PTPRE: variants seen among roughly 807,000 people sequenced by gnomAD.
PTPRE encodes protein tyrosine phosphatase receptor type E.
A neutral mutation model predicts 102.0 loss-of-function variants in PTPRE; 51 were observed. The observed-to-expected ratio is 0.50, with a 90% CI of 0.40 to 0.63. The LOEUF (loss-of-function observed/expected upper bound fraction) is 0.63, where lower values mean the gene tolerates loss of function less well. PTPRE is among the 30% of genes least tolerant of loss of function. PTPRE has a pLI of 0.00. For missense variants in PTPRE, 752 were observed against 915.1 expected (o/e 0.82, Z 2.30); for synonymous variants, 345 against 348.2 (o/e 0.99, Z 0.10).
chr10:128,050,290 T>A (rs1409011440), intron 6 of PTPRE, among the ~76,000 whole-genome samples: 1 of 147,890 alleles, frequency 6.8e-6, no homozygotes, highest in Non-Finnish European at 1.5e-5. Context: ...GGCAGATGGA[T>A]GGATGAATGA....
At chr10:128,062,116 C>T (rs1053920395) in intron 9 of PTPRE, among the ~76,000 whole-genome samples, 4 of 152,228 alleles carry the variant, frequency 2.6e-5, no homozygotes, top group African/African-American at 4.8e-5. Context: ...CTTCACCTTG[C>T]ACAGGGCTAC....
chr10:128,051,581 G>A (rs1848571937), intron 6 of PTPRE, among the ~76,000 whole-genome samples: 5 of 152,228 alleles, frequency 3.3e-5, no homozygotes, highest in Admixed American at 3.3e-4. Flanking sequence ...GGTCATCATA[G>A]ATTTTGTGCC....
In PTPRE at chr10:128,062,574, C is replaced by T. The variant is rs1258189269; in HGVS notation, c.626-509C>T. Among the ~76,000 whole-genome samples the T allele has an allele frequency of 2.6e-5, 4 of 152,202 alleles. No individual in the cohort carries two copies. The East Asian group carries it at 5.8e-4, about 22-fold the overall frequency. On this transcript the variant is annotated intron_variant, in intron 9 of 20. Coordinates refer to ENST00000254667, the MANE Select transcript of PTPRE (RefSeq NM_006504.6). ...ACTTAGCTCGGGACTGCAAAATAGCCGCAGCTCAGACAGGAAGTGGATAGG... is the reference window on the plus strand; with the variant it reads ...ACTTAGCTCGGGACTGCAAAATAGCTGCAGCTCAGACAGGAAGTGGATAGG...
intron 7 of PTPRE, among the ~76,000 whole-genome samples, chr10:128,058,487 A>G (rs1344905056): frequency 5.3e-5 from 8 of 152,180 alleles, no homozygotes; most frequent in Non-Finnish European, 8.8e-5. Context: ...GCTGCCCGGG[A>G]CTGGGGGACC....
rs1334933022 is a variant in PTPRE at position 127,907,533 on chromosome 10, C to G, written c.-31+224C>G. Among the ~76,000 whole-genome samples the G allele has an allele frequency of 6.6e-6, 1 of 151,938 alleles. No homozygotes were observed. The highest frequency in any genetic ancestry group is 2.4e-5 in the African/African-American group (1 of 41,396). ...CCGGCCTGTGGCGCGTCCCCTCACC[C>G]GGAGTCCCCAGCCCAACTTGGCGAC... On this transcript the variant is annotated intron_variant, in intron 1 of 20. Transcript: ENST00000254667. The surrounding 1 kb of genome is among the most constrained non-coding windows in gnomAD (Gnocchi z 4.8).
intron 2 of PTPRE, among the ~76,000 whole-genome samples, chr10:128,030,572 C>G (rs978110193): frequency 6.6e-6 from 1 of 152,138 alleles, no homozygotes; most frequent in Non-Finnish European, 1.5e-5. Flanking sequence ...CATGGCGATT[C>G]CTTTAAAAAC....
chr10:128,085,043 C>T lies in PTPRE; in HGVS notation c.*2137C>T, dbSNP rs1280674804. 1 of 455,172 alleles carries T rather than the reference C, an allele frequency of 2.2e-6. No individual in the cohort carries two copies. Among genetic ancestry groups the T allele is most frequent in the Admixed American group, 2.4e-5 (1 of 42,470 alleles). 28.2% of individuals were successfully genotyped at this position (455,172 alleles called of 1,614,324 possible). On this transcript the variant is annotated 3_prime_UTR_variant, in exon 21 of 21. Transcript: ENST00000254667. ...ACCCCAGGTGTCCACTGCAGGGGTT[C>T]TGCCTGTTCCCAAACTTTTTCCATT...
chr10:128,034,502 C>T (rs978222045), intron 2 of PTPRE, among the ~76,000 whole-genome samples: 5 of 151,458 alleles, frequency 3.3e-5, no homozygotes, highest in Admixed American at 6.6e-5. Context: ...CTAGCCTGGG[C>T]AACATAGTGA....
chr10:127,908,586 G>T (rs575469009), intron 1 of PTPRE, among the ~76,000 whole-genome samples: 1 of 152,308 alleles, frequency 6.6e-6, no homozygotes, highest in South Asian at 2.1e-4. Context: ...TCTGTGGTGT[G>T]AACAGGGTTA....
chr10:127,969,976 C>G (rs578238636), intron 1 of PTPRE, among the ~76,000 whole-genome samples: 1 of 152,336 alleles, frequency 6.6e-6, no homozygotes, highest in East Asian at 1.9e-4. Flanking sequence ...CTCCTCCTCT[C>G]TCCCTTTGCA....
In PTPRE at chr10:128,077,725, G is replaced by A. The variant is rs530962130; in HGVS notation, c.1834G>A (p.Ala612Thr). 5.1e-5 allele frequency: 82 copies of A among 1,612,756 alleles called. 4 individuals are homozygous for A. The South Asian group carries it at 8.1e-4, about 16-fold the overall frequency. ...AEGKGMIDLI[A>T]AVQKQQQQTG... ...GGGCAAAGGCATGATTGACCTCATC[G>A]CAGCCGTGCAGAAGCAGCAGCAGCA... The change falls in exon 19 of 21, where the codon GCA (alanine) becomes ACA (threonine). Residue 612 changes from alanine (A) to threonine (T), a missense_variant. Physicochemically the swap from Ala to Thr is moderately conservative, Grantham distance 58 (BLOSUM62 0). This residue lies in a region of PTPRE where 636 missense variants were observed against 824.4 expected (regional missense o/e 0.77). Coordinates refer to ENST00000254667, the MANE Select transcript of PTPRE (RefSeq NM_006504.6).
At chr10:128,043,462 T>A (rs1460916838) in intron 3 of PTPRE, among the ~76,000 whole-genome samples, 2 of 152,216 alleles carry the variant, frequency 1.3e-5, no homozygotes, top group African/African-American at 4.8e-5. Flanking sequence ...CGATAATGCC[T>A]GCTCACCTGC....
intron 2 of PTPRE, among the ~76,000 whole-genome samples, chr10:128,009,344 A>G (rs1844781167): frequency 1.3e-5 from 2 of 152,252 alleles, no homozygotes; most frequent in African/African-American, 4.8e-5. Flanking sequence ...TAAAACATCA[A>G]CGGCAGGTGA....
intron 20 of PTPRE, among the ~76,000 whole-genome samples, chr10:128,082,453 G>A (rs1291477952): frequency 1.3e-5 from 2 of 151,380 alleles, no homozygotes; most frequent in Non-Finnish European, 2.9e-5. Flanking sequence ...GGGCTCAAGT[G>A]ATCCTCCTGC....
Position 128,071,244 on chromosome 10 carries a change from C to T in PTPRE, c.1387+343C>T, listed in dbSNP as rs1850744459. 1.2e-5 allele frequency: 4 copies of T among 347,104 alleles called. No homozygotes were observed. In the South Asian group the frequency reaches 1.2e-4, roughly 11 times the overall value. 21.5% of individuals were successfully genotyped at this position (347,104 alleles called of 1,614,324 possible). ...CGACTTGGGATTCCTTGTCTCATTCCTTGTCTCCCCAAGCCTGGGCAGAGG... is the reference window on the plus strand; with the variant it reads ...CGACTTGGGATTCCTTGTCTCATTCTTTGTCTCCCCAAGCCTGGGCAGAGG... On this transcript the variant is annotated intron_variant, in intron 15 of 20. Coordinates refer to ENST00000254667, the MANE Select transcript of PTPRE (RefSeq NM_006504.6).
intron 2 of PTPRE, among the ~76,000 whole-genome samples, chr10:127,988,606 G>A (rs537797421): frequency 3.6e-4 from 55 of 152,198 alleles, no homozygotes; most frequent in African/African-American, 1.3e-3. Context: ...TACCTGGCCT[G>A]CGGTGACTTT....
intron 2 of PTPRE, among the ~76,000 whole-genome samples, chr10:127,988,351 G>A (rs1852295025): frequency 6.9e-6 from 1 of 144,920 alleles, no homozygotes; most frequent in African/African-American, 2.6e-5. Context: ...TATCACTCAG[G>A]CTGGAGTTCG....
intron 11 of PTPRE, among the ~76,000 whole-genome samples, chr10:128,067,316 A>C (rs1193386714): frequency 6.6e-6 from 1 of 151,608 alleles, no homozygotes; most frequent in Non-Finnish European, 1.5e-5. Context: ...ATGCACATTC[A>C]CACATGTGCA....
chr10:127,929,403 T>C (rs1847254650), intron 1 of PTPRE: 1 of 152,232 alleles, frequency 6.6e-6, no homozygotes, highest in Non-Finnish European at 1.5e-5. Flanking sequence ...AAAACTGATT[T>C]ATTTTTAAGA....
Sources: gnomAD v4.1 joint callset for allele counts (sites outside exome capture counted in the v4.1 genomes callset) on GRCh38, gnomAD v4.1.1 for gene constraint, gnomAD v4.1.1 regional missense constraint, Gnocchi (gnomAD v3.1) non-coding constraint, MANE v1.5 for transcripts, NCBI Gene and HGNC (gene_info 2026-07-23, HGNC 2026-07-21) for gene names.